SLC7A14: variants seen among roughly 807,000 people sequenced by gnomAD.
The protein encoded by SLC7A14 is solute carrier family 7 member 14.
SLC7A14 carries 37 observed loss-of-function variants against 60.2 expected under a neutral mutation model. That is an observed-to-expected ratio of 0.61 (90% CI 0.47 to 0.81). The LOEUF is 0.81. Ranked by LOEUF, SLC7A14 falls within the 30% of genes least tolerant of loss-of-function variation. The probability of loss-of-function intolerance (pLI) is 0.00; values close to 1 mark genes in which losing one functional copy is unlikely to be tolerated. For missense variants in SLC7A14, 886 were observed against 982.7 expected (o/e 0.90, Z 1.32); for synonymous variants, 399 against 395.8 (o/e 1.01, Z -0.10).
intron 4 of SLC7A14, among the ~76,000 whole-genome samples, chr3:170,492,124 A>C (rs942940605): frequency 1.3e-5 from 2 of 152,058 alleles, no homozygotes; most frequent in African/African-American, 4.8e-5. Context: ...TTTCTACGTC[A>C]CTCTATCCAG....
intron 1 of SLC7A14, among the ~76,000 whole-genome samples, chr3:170,543,136 T>G (rs538335267): frequency 6.6e-6 from 1 of 152,306 alleles, no homozygotes; most frequent in African/African-American, 2.4e-5. Flanking sequence ...CGTGTGGGGT[T>G]GACCTGTCTG....
At chr3:170,534,235 C>T (rs1461402514) in intron 1 of SLC7A14, among the ~76,000 whole-genome samples, 7 of 152,238 alleles carry the variant, frequency 4.6e-5, no homozygotes, top group East Asian at 1.9e-4. Context: ...CTACTCCACA[C>T]GCCTTCTTAT....
At chr3:170,566,630 T>C (rs1438908838) in intron 1 of SLC7A14, among the ~76,000 whole-genome samples, 1 of 152,196 alleles carries the variant, frequency 6.6e-6, no homozygotes, top group African/African-American at 2.4e-5. Flanking sequence ...ACAACCACTT[T>C]TGGTGGCTCC....
chr3:170,568,192 G>A (rs1337709397), intron 1 of SLC7A14, among the ~76,000 whole-genome samples: 25 of 152,126 alleles, frequency 1.6e-4, no homozygotes, highest in Admixed American at 1.6e-3. Flanking sequence ...TGTATAAGGT[G>A]TAAGGAAGGG....
chr3:170,497,276 C>T (rs560165974), intron 4 of SLC7A14, among the ~76,000 whole-genome samples: 2 of 152,146 alleles, frequency 1.3e-5, no homozygotes, highest in East Asian at 3.9e-4. Context: ...GTTTCTTTGT[C>T]TCTTCTTTTG....
chr3:170,471,885 A>G (rs998120488), intron 7 of SLC7A14, among the ~76,000 whole-genome samples: 2 of 152,226 alleles, frequency 1.3e-5, no homozygotes, highest in African/African-American at 4.8e-5. Flanking sequence ...TTGTAGTTAC[A>G]TAACTTATGT....
chr3:170,538,992 C>T (rs971805414), intron 1 of SLC7A14, among the ~76,000 whole-genome samples: 1 of 152,338 alleles, frequency 6.6e-6, no homozygotes, highest in Middle Eastern at 3.4e-3. Flanking sequence ...CTCAACTCAA[C>T]GTGTATTCGT....
Position 170,462,414 on chromosome 3 carries a change from G to C in SLC7A14, c.*4641C>G, listed in dbSNP as rs1739626704. 1 of 152,184 alleles carries C rather than the reference G, an allele frequency of 6.6e-6. No individual in the cohort carries two copies. Among genetic ancestry groups the C allele is most frequent in the African/African-American group, 2.4e-5 (1 of 41,444 alleles). The allele number at this position is 152,184 out of a possible 1,614,324, so 9.4% of individuals were successfully genotyped here. A position where few individuals can be genotyped will look rare whatever the true frequency, so the allele number is the denominator to read the frequency against. Reference sequence around the variant, plus strand: ...ATAGAGGAGAGAGATTTCTTTGAAGGAGTTTGTGTTTTGTTTTTCAATAAT... The same window carrying C: ...ATAGAGGAGAGAGATTTCTTTGAAGCAGTTTGTGTTTTGTTTTTCAATAAT... On this transcript the variant is annotated 3_prime_UTR_variant, in exon 8 of 8. Coordinates refer to ENST00000231706, the MANE Select transcript of SLC7A14 (RefSeq NM_020949.3).
intron 7 of SLC7A14, among the ~76,000 whole-genome samples, chr3:170,469,888 G>T (rs1261804435): frequency 6.6e-6 from 1 of 151,934 alleles, no homozygotes; most frequent in Non-Finnish European, 1.5e-5. Flanking sequence ...CCACCACAAA[G>T]GTCATTGTTC....
Position 170,535,759 on chromosome 3 carries a change from G to A in SLC7A14, c.-152-8671C>T, listed in dbSNP as rs1224579464. On this transcript the variant is annotated intron_variant, in intron 1 of 7. Coordinates refer to ENST00000231706, the MANE Select transcript of SLC7A14 (RefSeq NM_020949.3). This position sits in a 1 kb window ranked among gnomAD's most constrained non-coding sequence, Gnocchi z 4.3. The stretch of plus-strand genomic sequence containing the variant: ...TCTCCACATAGCCCTAACTCTCTCT[G>A]GTTCTGATAATTCTTTCTTTATCCC... Among the ~76,000 whole-genome samples the A allele has an allele frequency of 6.6e-6, 1 of 152,166 alleles. No homozygotes were observed. Among genetic ancestry groups the A allele is most frequent in the Non-Finnish European group, 1.5e-5 (1 of 68,040 alleles).
rs745969616 is a variant in SLC7A14, at chr3:170,467,127, C to G, written c.2244G>C (p.Lys748Asn). 1.9e-6 allele frequency: 3 copies of G among 1,614,236 alleles called. No homozygotes were observed. The highest frequency in any genetic ancestry group is 2.5e-6 in the Non-Finnish European group (3 of 1,180,048). ...AGTTCTGTTTGTGTTTGCTTTTGCT[C>G]TTCGCTTTGCTACTTGTCCGGCCGT... ...KANGRTSSKA[K>N]SKSKHKQNSE... is the part of the protein sequence containing the mutation. The change falls in exon 8 of 8, where the codon AAG becomes AAC. Residue 748 changes from lysine (K) to asparagine (N), a missense_variant. Transcript: ENST00000231706.
chr3:170,478,278 A>G (rs565238852), intron 7 of SLC7A14, among the ~76,000 whole-genome samples: 1 of 152,246 alleles, frequency 6.6e-6, no homozygotes, highest in East Asian at 1.9e-4. Context: ...GGGTTTTGCC[A>G]TGTAGGCCAG....
intron 1 of SLC7A14, among the ~76,000 whole-genome samples, chr3:170,541,324 G>A (rs1714009791): frequency 6.6e-6 from 1 of 152,202 alleles, no homozygotes; most frequent in Non-Finnish European, 1.5e-5. Flanking sequence ...TTGGCCAGGT[G>A]TTATGGTTCA....
chr3:170,511,818 C>G (rs546799684), intron 2 of SLC7A14, among the ~76,000 whole-genome samples: 22 of 152,166 alleles, frequency 1.4e-4, no homozygotes, highest in Non-Finnish European at 2.6e-4. Flanking sequence ...AAAACAGAAC[C>G]TGGAGAAGTT....
rs143676090 is a variant in SLC7A14 at position 170,485,825 on chromosome 3, A to T, written c.906+397T>A. ...GAGCCTCGCCTCTTTGCTGCCGGGA[A>T]GCTCCCAGAAGACAGAAGAGCATTG... On this transcript the variant is annotated intron_variant, in intron 5 of 7. Coordinates refer to ENST00000231706, the MANE Select transcript of SLC7A14 (RefSeq NM_020949.3). 3.9e-3 allele frequency among the ~76,000 whole-genome samples: 596 copies of T among 152,232 alleles called. 2 individuals carry two copies. Among genetic ancestry groups the T allele is most frequent in the Non-Finnish European group, 4.6e-3 (316 of 68,000 alleles).
At chr3:170,569,189 A>G (rs1714875143) in intron 1 of SLC7A14, among the ~76,000 whole-genome samples, 1 of 152,148 alleles carries the variant, frequency 6.6e-6, no homozygotes, top group Admixed American at 6.5e-5. Flanking sequence ...CATCCCATCA[A>G]TACCTAATTT....
At chr3:170,486,623 CAGCACTTTGAG>C (rs147418079) in intron 4 of SLC7A14, among the ~76,000 whole-genome samples, 21,545 of 152,084 alleles carry the variant, frequency 0.14, 1,557 homozygotes, top group Admixed American at 0.2. Flanking sequence ...CCTGTAATCA[CAGCACTTTGAG>C]AGGCCGATGG....
At chr3:170,537,410 T>A (rs1009949193) in intron 1 of SLC7A14, among the ~76,000 whole-genome samples, 5 of 151,610 alleles carry the variant, frequency 3.3e-5, no homozygotes, top group Admixed American at 1.3e-4. Context: ...GATTCTTAAC[T>A]TAATCACCTC....
rs118082650 is a variant in SLC7A14, at chr3:170,550,349, C to T, written c.-152-23261G>A. Among the ~76,000 whole-genome samples, 26 of 152,116 alleles carry T rather than the reference C, an allele frequency of 1.7e-4. 1 individual carries two copies. The East Asian group carries it at 5.0e-3, about 29-fold the overall frequency. On this transcript the variant is annotated intron_variant, in intron 1 of 7. Coordinates refer to ENST00000231706, the MANE Select transcript of SLC7A14 (RefSeq NM_020949.3). ...TGATATAATGAAATACTTAAACTTG[C>T]ATCTATGCATAGAGTCACTGAGATC...
Sources: allele counts gnomAD v4.1 joint callset (sites outside exome capture counted in the v4.1 genomes callset), GRCh38; gene constraint gnomAD v4.1.1; non-coding constraint Gnocchi (gnomAD v3.1); transcripts MANE v1.5; gene names NCBI Gene and HGNC (gene_info 2026-07-23, HGNC 2026-07-21).